The following AKNAD1 variants were observed in gnomAD, a reference collection of about 807,000 sequenced individuals.
AKNAD1 encodes the protein AKNA domain containing 1.
A neutral mutation model predicts 90.8 loss-of-function variants in AKNAD1; 67 were observed. The ratio of observed to expected loss-of-function variants is 0.74; its 90% CI spans 0.61 to 0.90. The LOEUF is 0.90. AKNAD1 is among the 40% of genes least tolerant of loss of function. The probability of loss-of-function intolerance (pLI) is 0.00; values close to 1 mark genes in which losing one functional copy is unlikely to be tolerated. For synonymous variants in AKNAD1, 327 were observed against 341.4 expected (o/e 0.96, Z 0.46); for missense variants, 957 against 975.4 (o/e 0.98, Z 0.25).
chr1:108,846,253 T>C (rs1402350057), intron 5 of AKNAD1, among the ~76,000 whole-genome samples: 1 of 152,170 alleles, frequency 6.6e-6, no homozygotes, highest in East Asian at 1.9e-4. Context: ...CACAGGCTGA[T>C]AATGTCAGGA....
intron 6 of AKNAD1, 107 bp downstream of exon 6, chr1:108,843,027 C>T (rs1424485089): frequency 4.9e-6 from 7 of 1,434,192 alleles, no homozygotes; most frequent in Non-Finnish European, 6.7e-6. Context: ...TTCTGCTGAC[C>T]CTAGACCAGT....
intron 14 of AKNAD1, chr1:108,817,442 A>G (rs905795555): frequency 3.8e-6 from 1 of 265,248 alleles, no homozygotes; most frequent in African/African-American, 2.3e-5. Context: ...GACTCTAAAC[A>G]CATTTTTTAT....
rs1026734619 is a variant in AKNAD1, at chr1:108,851,528, C to T, written c.993+144G>A. On this transcript the variant is annotated intron_variant, in intron 2 of 15. Coordinates refer to ENST00000370001, the MANE Select transcript of AKNAD1 (RefSeq NM_152763.5). ...GTGAGGACACTGAGAGTCGGAGTGG[C>T]CACGTCACTCATCCAGGGTGACCCA... is the stretch of plus-strand genomic sequence containing the variant. 43 of 669,272 alleles carry T rather than the reference C, an allele frequency of 6.4e-5. No homozygotes were observed. The Middle Eastern group carries it at 1.5e-3, about 23-fold the overall frequency. The allele number at this position is 669,272 out of a possible 1,614,324, so 41.5% of individuals were successfully genotyped here.
At chr1:108,845,476 C>G (rs1664675892) in intron 5 of AKNAD1, among the ~76,000 whole-genome samples, 1 of 152,206 alleles carries the variant, frequency 6.6e-6, no homozygotes, top group South Asian at 2.1e-4. Flanking sequence ...TGCTTTTCCT[C>G]TGTTCCTTCA....
Position 108,837,851 on chromosome 1 carries a change from T to C in AKNAD1, c.1380-145A>G. On this transcript the variant is annotated intron_variant, in intron 6 of 15. Transcript: ENST00000370001. Reference sequence around the variant, plus strand: ...AAAGGATAATGGGAGCCCGCATGACTGTTCATAGTTTCTCTGACAGCCTGG... The same window carrying C: ...AAAGGATAATGGGAGCCCGCATGACCGTTCATAGTTTCTCTGACAGCCTGG... The C allele has an allele frequency of 4.5e-6, 4 of 885,310 alleles. No individual in the cohort carries two copies. In the South Asian group the frequency reaches 5.2e-5, roughly 12 times the overall value. 54.8% of individuals were successfully genotyped at this position (885,310 alleles called of 1,614,324 possible). A position where few individuals can be genotyped will look rare whatever the true frequency, so the allele number is the denominator to read the frequency against.
At chr1:108,857,259 G>A (rs7551313), upstream of AKNAD1, 13,803 of 152,724 alleles carry the variant, frequency 0.09, 709 homozygotes, top group Non-Finnish European at 0.1. Context: ...AGTAGGAATG[G>A]ACAACAAGGT....
chr1:108,822,592 G>T (rs7554954), intron 13 of AKNAD1, among the ~76,000 whole-genome samples: 2,679 of 152,234 alleles, frequency 0.018, 84 homozygotes, highest in African/African-American at 0.062. Context: ...TAAGTCTTGG[G>T]CACTGACCAT....
chr1:108,842,381 G>A (rs1357673663), intron 6 of AKNAD1, among the ~76,000 whole-genome samples: 1 of 152,130 alleles, frequency 6.6e-6, no homozygotes, highest in Non-Finnish European at 1.5e-5. Context: ...GGAAATTATA[G>A]GGAAAGAATC....
intron 7 of AKNAD1, 101 bp downstream of exon 7, chr1:108,837,449 A>G (rs1570813741): frequency 4.3e-6 from 5 of 1,160,308 alleles, no homozygotes; most frequent in Middle Eastern, 2.1e-4. Context: ...TTTTCATGAG[A>G]TATTAAAAAT....
chr1:108,823,549 C>T lies in AKNAD1; in HGVS notation c.2059+17G>A, dbSNP rs368846627. The T allele has an allele frequency of 3.7e-6, 6 of 1,613,166 alleles. No individual in the cohort carries two copies. The African/African-American group carries it at 5.3e-5, about 14-fold the overall frequency. ...ACTGTCCCCACTCGCCTTTCTGAGG[C>T]CCCAGGTGAGTGTTACCTTTAGTTG... On this transcript the variant is annotated intron_variant, in intron 12 of 15. Coordinates refer to ENST00000370001, the MANE Select transcript of AKNAD1 (RefSeq NM_152763.5).
rs377454301 is a variant in AKNAD1, at chr1:108,848,711, T to A, written c.1245+41A>T. 6.5e-5 allele frequency: 99 copies of A among 1,534,662 alleles called. No homozygotes were observed. The African/African-American group carries it at 1.3e-3, about 21-fold the overall frequency. On this transcript the variant is annotated intron_variant, in intron 5 of 15. Coordinates refer to ENST00000370001, the MANE Select transcript of AKNAD1 (RefSeq NM_152763.5). Reference sequence around the variant, plus strand: ...GTTATTTATCTTTATCCAAGCCATATTCTCTAATCAAGATTTTAAAAACGG... The same window carrying A: ...GTTATTTATCTTTATCCAAGCCATAATCTCTAATCAAGATTTTAAAAACGG...
chr1:108,851,373 A>G (rs1664857438), intron 2 of AKNAD1, among the ~76,000 whole-genome samples: 1 of 152,236 alleles, frequency 6.6e-6, no homozygotes, highest in Non-Finnish European at 1.5e-5. Flanking sequence ...GTTCTGGACC[A>G]GCCAGGTAAC....
chr1:108,840,553 TAAG>T (rs1664522076), intron 6 of AKNAD1, among the ~76,000 whole-genome samples: 1 of 152,126 alleles, frequency 6.6e-6, no homozygotes, highest in Non-Finnish European at 1.5e-5. Context: ...CATGAGTGTA[TAAG>T]AATAGCTATA....
rs1663893410 is a variant in AKNAD1 at position 108,823,589 on chromosome 1, G to A, written c.2036C>T (p.Ala679Val). Residue 679 changes from alanine (A) to valine (V), a missense_variant, in exon 12 of 16, where the codon GCC becomes GTC. Ala to Val is a moderately conservative substitution (Grantham distance 64). Coordinates refer to ENST00000370001, the MANE Select transcript of AKNAD1 (RefSeq NM_152763.5). ...CGTKIPTSRRACRKEPTKEFH... is the reference protein window; with the variant it reads ...CGTKIPTSRRVCRKEPTKEFH... ...ACCTTTAGTTGGTTCTTTCCTGCAGGCTCTTCGGGAGGTAGGAATCTTAGT... is the reference window on the plus strand; with the variant it reads ...ACCTTTAGTTGGTTCTTTCCTGCAGACTCTTCGGGAGGTAGGAATCTTAGT... 5 of 1,613,982 alleles carry A rather than the reference G, an allele frequency of 3.1e-6. No individual in the cohort carries two copies.
intron 9 of AKNAD1, among the ~76,000 whole-genome samples, chr1:108,833,070 T>C (rs1176219483): frequency 6.6e-6 from 1 of 152,110 alleles, no homozygotes; most frequent in African/African-American, 2.4e-5. Flanking sequence ...AAACTAAATC[T>C]CCATCAATAA....
At position 108,834,924 on chromosome 1, in the gene AKNAD1, C is replaced by T; in HGVS notation, c.1664+5G>A. ...GTCTGCTGGGGCTCCAGGGCTAGGA[C>T]TCACGTCTGCGGGGCCAGCTCACAG... On this transcript the variant is annotated splice_donor_5th_base_variant and intron_variant, in intron 8 of 15. Transcript: ENST00000370001. 6.5e-7 allele frequency: 1 copy of T among 1,529,914 alleles called. No homozygotes were observed. Among genetic ancestry groups the T allele is most frequent in the Non-Finnish European group, 8.7e-7 (1 of 1,147,716 alleles). The allele number at this position is 1,529,914 out of a possible 1,614,324, so 94.8% of individuals were successfully genotyped here.
intron 14 of AKNAD1, among the ~76,000 whole-genome samples, chr1:108,820,281 G>A (rs959854260): frequency 3.9e-5 from 6 of 152,148 alleles, no homozygotes; most frequent in African/African-American, 9.7e-5. Context: ...AAGACTATGC[G>A]GCTTCTCTGC....
At position 108,852,337 on chromosome 1, in the gene AKNAD1, A is replaced by C; in HGVS notation, c.328T>G (p.Ser110Ala). Residue 110 changes from serine (S) to alanine (A), a missense_variant, in exon 2 of 16, where the codon TCT becomes GCT. Ser to Ala is a moderately conservative substitution (Grantham distance 99). Coordinates refer to ENST00000370001, the MANE Select transcript of AKNAD1 (RefSeq NM_152763.5). ...GAAAGATGATGAAGTAAAATATCAGAAATGCTTGACTTAGAAGCGTCTCCT... is the reference window on the plus strand; with the variant it reads ...GAAAGATGATGAAGTAAAATATCAGCAATGCTTGACTTAGAAGCGTCTCCT... ...NEGDASKSSI[S>A]DILLHHLSKE... 6.2e-7 allele frequency: 1 copy of C among 1,614,138 alleles called. No individual in the cohort carries two copies. Among genetic ancestry groups the C allele is most frequent in the Non-Finnish European group, 8.5e-7 (1 of 1,180,006 alleles).
chr1:108,831,207 C>T (rs1330969733), intron 9 of AKNAD1, among the ~76,000 whole-genome samples: 1 of 152,204 alleles, frequency 6.6e-6, no homozygotes, highest in Non-Finnish European at 1.5e-5. Context: ...ACAATTACTC[C>T]ACTGACCTGT....
Sources: gnomAD v4.1 joint callset for allele counts (sites outside exome capture counted in the v4.1 genomes callset) on GRCh38, gnomAD v4.1.1 for gene constraint, MANE v1.5 for transcripts, NCBI Gene and HGNC (gene_info 2026-07-23, HGNC 2026-07-21) for gene names.